Variants in CCDC85C observed in about 807,000 individuals in gnomAD.
CCDC85C encodes the protein coiled-coil domain-containing protein 85C.
Under a neutral mutation model 38.3 loss-of-function variants are expected in CCDC85C, and 18 were observed. The observed-to-expected ratio is 0.47, with a 90% confidence interval of 0.33 to 0.70. The LOEUF (loss-of-function observed/expected upper bound fraction) is 0.70, where lower values mean the gene tolerates loss of function less well. CCDC85C is among the 30% of genes least tolerant of loss of function. The pLI is 0.03. For missense variants in CCDC85C, 566 were observed against 621.2 expected (o/e 0.91, Z 0.94); for synonymous variants, 264 against 293.8 (o/e 0.90, Z 1.04).
In CCDC85C at chr14:99,545,289, G is replaced by A. The variant is rs916118903; in HGVS notation, c.794-9201C>T. Among the ~76,000 whole-genome samples, 2 of 152,046 alleles carry A rather than the reference G, an allele frequency of 1.3e-5. No homozygotes were observed. Among genetic ancestry groups the A allele is most frequent in the Admixed American group, 6.6e-5 (1 of 15,258 alleles). On this transcript the variant is annotated intron_variant, in intron 1 of 5. Coordinates refer to ENST00000380243, the MANE Select transcript of CCDC85C (RefSeq NM_001144995.2). This position sits in a 1 kb window ranked among gnomAD's most constrained non-coding sequence, Gnocchi z 4.7. ...AGCATTTAATTCCAGGAAAAGCCAC[G>A]AGGCTTCCCAATGACACTGCAATGT...
intron 2 of CCDC85C, among the ~76,000 whole-genome samples, chr14:99,524,005 C>A (rs1320388736): frequency 2.1e-5 from 3 of 145,636 alleles, no homozygotes; most frequent in Non-Finnish European, 3.0e-5. Context: ...CTCCCCCAAC[C>A]ATGAGTGACA....
intron 1 of CCDC85C, among the ~76,000 whole-genome samples, chr14:99,590,857 T>C (rs1301041052): frequency 6.6e-6 from 1 of 152,092 alleles, no homozygotes; most frequent in African/African-American, 2.4e-5. Context: ...CGATGAGTCA[T>C]GACAGGAAAG....
Position 99,558,553 on chromosome 14 carries a change from G to A in CCDC85C, c.794-22465C>T, listed in dbSNP as rs759498310. Among the ~76,000 whole-genome samples, 1 of 152,118 alleles carries A rather than the reference G, an allele frequency of 6.6e-6. No homozygotes were observed. Among genetic ancestry groups the A allele is most frequent in the Non-Finnish European group, 1.5e-5 (1 of 68,008 alleles). ...GGAGAATTGCTTGAACCCAGGAGGT[G>A]GAGGTTGCAGTGAGCCAAGATTGTG... On this transcript the variant is annotated intron_variant, in intron 1 of 5. Transcript: ENST00000380243. The surrounding 1 kb of genome is among the most constrained non-coding windows in gnomAD (Gnocchi z 4.2).
intron 1 of CCDC85C, among the ~76,000 whole-genome samples, chr14:99,536,923 A>G (rs1220122312): frequency 6.6e-6 from 1 of 152,168 alleles, no homozygotes; most frequent in Non-Finnish European, 1.5e-5. Flanking sequence ...GAGTCAGCTC[A>G]GCTGCCAGGA....
Position 99,572,830 on chromosome 14 carries a change from G to A in CCDC85C, c.793+30337C>T. On this transcript the variant is annotated intron_variant, in intron 1 of 5. Transcript: ENST00000380243. This position sits in a 1 kb window ranked among gnomAD's most constrained non-coding sequence, Gnocchi z 4.4. ...AAGTATCCCAGGAGCATGGAAACGG[G>A]GCCTGGTGTGCAACAGGTGCTCAGT... 2.2e-6 allele frequency: 1 copy of A among 456,106 alleles called. No homozygotes were observed. 28.3% of individuals were successfully genotyped at this position (456,106 alleles called of 1,614,324 possible). A position where few individuals can be genotyped will look rare whatever the true frequency, so the allele number is the denominator to read the frequency against.
In CCDC85C at chr14:99,503,562, A is replaced by G. The variant is rs774355151; in HGVS notation, c.*11684T>C. Reference sequence around the variant, plus strand: ...TACCTGGATAATCCATTTTTTTCTCATCATACTCAGGATCCCAGTTAACAA... The same window carrying G: ...TACCTGGATAATCCATTTTTTTCTCGTCATACTCAGGATCCCAGTTAACAA... On this transcript the variant is annotated 3_prime_UTR_variant, in exon 6 of 6. Coordinates refer to ENST00000380243, the MANE Select transcript of CCDC85C (RefSeq NM_001144995.2). The G allele has an allele frequency of 1.3e-6, 2 of 1,503,440 alleles. No homozygotes were observed. Among genetic ancestry groups the G allele is most frequent in the African/African-American group, 1.4e-5 (1 of 71,680 alleles). The allele number at this position is 1,503,440 out of a possible 1,614,324, so 93.1% of individuals were successfully genotyped here. A position where few individuals can be genotyped will look rare whatever the true frequency, so the allele number is the denominator to read the frequency against.
intron 1 of CCDC85C, among the ~76,000 whole-genome samples, chr14:99,552,512 G>A (rs1230371845): frequency 2.6e-5 from 4 of 152,322 alleles, no homozygotes; most frequent in Non-Finnish European, 5.9e-5. Flanking sequence ...CCCTCAGTCC[G>A]GTGGGACGAG....
chr14:99,549,079 C>G (rs547418437), intron 1 of CCDC85C, among the ~76,000 whole-genome samples: 1 of 152,292 alleles, frequency 6.6e-6, no homozygotes, highest in East Asian at 1.9e-4. Context: ...CTCCGCTCCA[C>G]CTGCCAAGCT....
At chr14:99,528,505 G>A (rs995845531) in intron 2 of CCDC85C, among the ~76,000 whole-genome samples, 11 of 152,260 alleles carry the variant, frequency 7.2e-5, no homozygotes, top group African/African-American at 2.6e-4. Flanking sequence ...GTCCCTAGGA[G>A]CACCCACCAC....
In CCDC85C at chr14:99,558,983, C is replaced by A. The variant is rs1479281083; in HGVS notation, c.794-22895G>T. Among the ~76,000 whole-genome samples the A allele has an allele frequency of 1.3e-5, 2 of 152,038 alleles. No individual in the cohort carries two copies. Among genetic ancestry groups the A allele is most frequent in the Admixed American group, 6.5e-5 (1 of 15,270 alleles). On this transcript the variant is annotated intron_variant, in intron 1 of 5. Coordinates refer to ENST00000380243, the MANE Select transcript of CCDC85C (RefSeq NM_001144995.2). This position sits in a 1 kb window ranked among gnomAD's most constrained non-coding sequence, Gnocchi z 4.2. Reference sequence around the variant, plus strand: ...GGTTGTTTAAAGTGTGTGGCTCCTCCCCGCACTCTACTCCCCTCTTTCTCC... The same window carrying A: ...GGTTGTTTAAAGTGTGTGGCTCCTCACCGCACTCTACTCCCCTCTTTCTCC...
At chr14:99,577,121 T>C (rs1898494825) in intron 1 of CCDC85C, among the ~76,000 whole-genome samples, 1 of 151,914 alleles carries the variant, frequency 6.6e-6, no homozygotes, top group South Asian at 2.1e-4. Context: ...ACAACATCCC[T>C]GGGCTCGTCT....
Position 99,520,126 on chromosome 14 carries a change from C to A in CCDC85C, c.975+2007G>T, listed in dbSNP as rs1897282060. Among the ~76,000 whole-genome samples the A allele has an allele frequency of 6.6e-6, 1 of 152,178 alleles. No individual in the cohort carries two copies. Among genetic ancestry groups the A allele is most frequent in the Non-Finnish European group, 1.5e-5 (1 of 68,004 alleles). ...GGTGTCCACCCCAGAGAGTCACCTGCTTTACCCAGGGACTCTCCAGCATGC... is the reference window on the plus strand; with the variant it reads ...GGTGTCCACCCCAGAGAGTCACCTGATTTACCCAGGGACTCTCCAGCATGC... On this transcript the variant is annotated intron_variant, in intron 3 of 5. Transcript: ENST00000380243. This position sits in a 1 kb window ranked among gnomAD's most constrained non-coding sequence, Gnocchi z 4.1.
chr14:99,554,014 G>A (rs1389309288), intron 1 of CCDC85C, among the ~76,000 whole-genome samples: 4 of 152,188 alleles, frequency 2.6e-5, no homozygotes, highest in African/African-American at 9.7e-5. Context: ...GGACAGGACT[G>A]TGTCTTGCTC....
Position 99,603,649 on chromosome 14 carries a change from T to G in CCDC85C, c.311A>C (p.Glu104Ala). The change falls in exon 1 of 6, where the codon GAG (glutamate) becomes GCG (alanine). Residue 104 changes from glutamate to alanine, a missense_variant. Glu to Ala is a moderately radical substitution (Grantham distance 107). This residue lies in a region of CCDC85C where 269 missense variants were observed against 308.2 expected (regional missense o/e 0.87). Transcript: ENST00000380243. The surrounding 1 kb of genome is among the most constrained non-coding windows in gnomAD (Gnocchi z 7.5). The part of the protein sequence containing the change: ...DRQKGRKLAR[E>A]WQRFGRHAAG... ...CGCGTGGCGCCCGAAGCGCTGCCAC[T>G]CGCGCGCCAGCTTGCGCCCCTTCTG... is the stretch of plus-strand genomic sequence containing the variant. The G allele has an allele frequency of 1.4e-6, 2 of 1,477,954 alleles. No homozygotes were observed. The highest frequency in any genetic ancestry group is 1.8e-6 in the Non-Finnish European group (2 of 1,115,034). The allele number at this position is 1,477,954 out of a possible 1,614,324, so 91.6% of individuals were successfully genotyped here.
chr14:99,562,795 A>G (rs1350513825), intron 1 of CCDC85C, among the ~76,000 whole-genome samples: 1 of 152,072 alleles, frequency 6.6e-6, no homozygotes, highest in Non-Finnish European at 1.5e-5. Flanking sequence ...CCACATGTAC[A>G]CACAAAGGCA....
rs780436963 is a variant in CCDC85C, at chr14:99,556,282, G to T, written c.794-20194C>A. ...ACATTTTTAAAATTAGCCGGGCATG[G>T]TGGTGCATGCCTGTAGTCCCAGCTA... On this transcript the variant is annotated intron_variant, in intron 1 of 5. Coordinates refer to ENST00000380243, the MANE Select transcript of CCDC85C (RefSeq NM_001144995.2). 1.8e-4 allele frequency among the ~76,000 whole-genome samples: 28 copies of T among 152,176 alleles called. 1 individual carries two copies. The highest frequency in any genetic ancestry group is 1.3e-3 in the Admixed American group (20 of 15,280).
rs899211911 is a variant in CCDC85C at position 99,535,978 on chromosome 14, G to A, written c.867+37C>T. 1.4e-5 allele frequency: 21 copies of A among 1,503,408 alleles called. No homozygotes were observed. The African/African-American group carries it at 1.7e-4, about 12-fold the overall frequency. The allele number at this position is 1,503,408 out of a possible 1,614,324, so 93.1% of individuals were successfully genotyped here. ...GAGCTGGAGGGGTGGGTGCTGGGTCGCGGTCCTCAAGGCAGCGCCACCCGA... is the reference window on the plus strand; with the variant it reads ...GAGCTGGAGGGGTGGGTGCTGGGTCACGGTCCTCAAGGCAGCGCCACCCGA... On this transcript the variant is annotated intron_variant, in intron 2 of 5. Transcript: ENST00000380243. The surrounding 1 kb of genome is among the most constrained non-coding windows in gnomAD (Gnocchi z 5.5).
In CCDC85C at chr14:99,588,029, C is replaced by T. The variant is rs1370822346; in HGVS notation, c.793+15138G>A. Among the ~76,000 whole-genome samples, 1 of 152,178 alleles carries T rather than the reference C, an allele frequency of 6.6e-6. No homozygotes were observed. The highest frequency in any genetic ancestry group is 1.5e-5 in the Non-Finnish European group (1 of 68,038). On this transcript the variant is annotated intron_variant, in intron 1 of 5. Transcript: ENST00000380243. This position sits in a 1 kb window ranked among gnomAD's most constrained non-coding sequence, Gnocchi z 5.0. The stretch of plus-strand genomic sequence containing the variant: ...AGCCCTTCCAGCTCGCCTGTGCCTG[C>T]CAGCCCTCACTTGAATCCCCTTCCA...
rs764559787 is a variant in CCDC85C, at chr14:99,509,187, G to A, written c.*6059C>T. On this transcript the variant is annotated 3_prime_UTR_variant, in exon 6 of 6. Coordinates refer to ENST00000380243, the MANE Select transcript of CCDC85C (RefSeq NM_001144995.2). ...TGCCTGGGGAACCAGAAGCATCTTC[G>A]TGGCTTTGTCCTCTCTATGTTCTCT... 1 of 152,260 alleles carries A rather than the reference G, an allele frequency of 6.6e-6. No individual in the cohort carries two copies. The highest frequency in any genetic ancestry group is 2.4e-5 in the African/African-American group (1 of 41,446). The allele number at this position is 152,260 out of a possible 1,614,324, so 9.4% of individuals were successfully genotyped here. A position where few individuals can be genotyped will look rare whatever the true frequency, so the allele number is the denominator to read the frequency against.
Sources: allele counts gnomAD v4.1 joint callset (sites outside exome capture counted in the v4.1 genomes callset), GRCh38; gene constraint gnomAD v4.1.1; regional missense constraint gnomAD v4.1.1; non-coding constraint Gnocchi (gnomAD v3.1); transcripts MANE v1.5; gene names NCBI Gene and HGNC (gene_info 2026-07-23, HGNC 2026-07-21).